VIPR2: variants seen among roughly 807,000 people sequenced by gnomAD.
VIPR2 encodes the protein vasoactive intestinal polypeptide receptor 2.
A neutral mutation model predicts 58.0 loss-of-function variants in VIPR2; 48 were observed. That is an observed-to-expected ratio of 0.83 (90% CI 0.66 to 1.05). VIPR2 has a LOEUF of 1.05. Ranked by LOEUF, VIPR2 falls within the 50% of genes least tolerant of loss-of-function variation. The pLI, the probability that VIPR2 is intolerant of heterozygous loss-of-function variation, is 0.00. For missense variants in VIPR2, 534 were observed against 558.0 expected (o/e 0.96, Z 0.43); for synonymous variants, 243 against 235.2 (o/e 1.03, Z -0.30).
chr7:159,045,771 G>A (rs1421435950), intron 5 of VIPR2, among the ~76,000 whole-genome samples: 1 of 151,940 alleles, frequency 6.6e-6, no homozygotes, highest in Admixed American at 6.6e-5. Context: ...AGATAAAGTT[G>A]ACTTCATCAA....
chr7:159,062,325 C>T (rs1337492987), intron 4 of VIPR2, among the ~76,000 whole-genome samples: 1 of 152,136 alleles, frequency 6.6e-6, no homozygotes, highest in Non-Finnish European at 1.5e-5. Flanking sequence ...TTTTTGGTCT[C>T]ACTGACTTGA....
intron 4 of VIPR2, among the ~76,000 whole-genome samples, chr7:159,067,993 A>T (rs1856183573): frequency 6.6e-6 from 1 of 152,240 alleles, no homozygotes. Context: ...TTCTTGAGCA[A>T]TCCAGGCTGC....
chr7:159,135,874 C>T (rs1052708497), intron 2 of VIPR2, among the ~76,000 whole-genome samples: 7 of 152,082 alleles, frequency 4.6e-5, no homozygotes, highest in East Asian at 1.9e-4. Context: ...AAATGTCAGC[C>T]GGACGGTTTA....
chr7:159,077,081 G>T (rs748635949), intron 4 of VIPR2, among the ~76,000 whole-genome samples: 11 of 152,180 alleles, frequency 7.2e-5, no homozygotes, highest in Non-Finnish European at 1.2e-4. Flanking sequence ...TTGAGAATGT[G>T]CATTGAACCA....
At chr7:159,034,489 G>A (rs1853796760) in intron 9 of VIPR2, 92 bp downstream of exon 9, 2 of 1,391,378 alleles carry the variant, frequency 1.4e-6, no homozygotes, top group Non-Finnish European at 2.0e-6. Flanking sequence ...CGTGGAATGG[G>A]GTCAGTTCTA....
At chr7:159,056,721 C>T (rs1433688611) in intron 5 of VIPR2, among the ~76,000 whole-genome samples, 3 of 152,302 alleles carry the variant, frequency 2.0e-5, no homozygotes, top group Admixed American at 1.3e-4. Context: ...GTTCAATGCC[C>T]GCAAAGCATT....
At chr7:159,030,957 G>C (rs1431916585) in intron 12 of VIPR2, among the ~76,000 whole-genome samples, 168 bp from the exon 13 acceptor site, 1 of 152,270 alleles carries the variant, frequency 6.6e-6, no homozygotes, top group African/African-American at 2.4e-5. Context: ...AGGCTGGAGG[G>C]AGCGGGAACT....
chr7:159,103,918 T>C (rs1439726433), intron 3 of VIPR2, 64 bp from the exon 4 acceptor site: 2 of 1,404,250 alleles, frequency 1.4e-6, no homozygotes, highest in Non-Finnish European at 2.0e-6. Flanking sequence ...GAAGGGACCT[T>C]AGTCCGTGCT....
At chr7:159,039,757 G>A (rs1247666602) in intron 6 of VIPR2, among the ~76,000 whole-genome samples, 1 of 152,230 alleles carries the variant, frequency 6.6e-6, no homozygotes, top group African/African-American at 2.4e-5. Context: ...TGCGACAGGA[G>A]CACACGTGGA....
chr7:159,067,070 C>T (rs551565906), intron 4 of VIPR2, among the ~76,000 whole-genome samples: 2 of 152,302 alleles, frequency 1.3e-5, no homozygotes, highest in African/African-American at 4.8e-5. Context: ...GACTCAGTTG[C>T]ACCAGCCATA....
At chr7:159,063,319 A>G (rs1030827255) in intron 4 of VIPR2, among the ~76,000 whole-genome samples, 5 of 152,078 alleles carry the variant, frequency 3.3e-5, no homozygotes, top group African/African-American at 1.2e-4. Flanking sequence ...GAATTCGAGC[A>G]CACTGCCAGC....
rs531807457 is a variant in VIPR2 at position 159,114,925 on chromosome 7, A to C, written c.152-5006T>G. 3.3e-5 allele frequency among the ~76,000 whole-genome samples: 5 copies of C among 152,372 alleles called. No individual in the cohort carries two copies. The South Asian group carries it at 1.0e-3, about 32-fold the overall frequency. Reference sequence around the variant, plus strand: ...AACAGAATTGTACAACTGAGGAGCCAGGTTGGGTACCTGCAATTCATTATT... The same window carrying C: ...AACAGAATTGTACAACTGAGGAGCCCGGTTGGGTACCTGCAATTCATTATT... On this transcript the variant is annotated intron_variant, in intron 2 of 12. Coordinates refer to ENST00000262178, the MANE Select transcript of VIPR2 (RefSeq NM_003382.5).
At chr7:159,100,095 G>A (rs1179050652) in intron 4 of VIPR2, among the ~76,000 whole-genome samples, 2 of 152,142 alleles carry the variant, frequency 1.3e-5, no homozygotes, top group Non-Finnish European at 2.9e-5. Flanking sequence ...AGGTCAATGT[G>A]GTCCCCAGCC....
rs143075123 is a variant in VIPR2, at chr7:159,052,173, G to A, written c.455+6308C>T. Among the ~76,000 whole-genome samples the A allele has an allele frequency of 3.4e-3, 513 of 152,210 alleles. 4 individuals are homozygous for A. The highest frequency in any genetic ancestry group is 5.4e-3 in the Non-Finnish European group (368 of 68,004). On this transcript the variant is annotated intron_variant, in intron 5 of 12. Transcript: ENST00000262178. ...TTCTTGGAAAACACTGATAAAATTG[G>A]TAACACTTTATTCAGTAAGACTCAT...
intron 2 of VIPR2, among the ~76,000 whole-genome samples, chr7:159,124,032 A>G (rs1357901854): frequency 6.6e-6 from 1 of 152,192 alleles, no homozygotes; most frequent in Non-Finnish European, 1.5e-5. Flanking sequence ...AGTTCCTTAT[A>G]GATGCTGGAT....
intron 5 of VIPR2, among the ~76,000 whole-genome samples, chr7:159,054,663 C>T (rs1855202115): frequency 6.6e-6 from 1 of 152,190 alleles, no homozygotes; most frequent in Admixed American, 6.5e-5. Flanking sequence ...TGGACAATAC[C>T]GAATGGAGGC....
chr7:159,031,189 ATGAG>A lies in VIPR2; in HGVS notation c.1144-404_1144-401del, dbSNP rs1021345424. On this transcript the variant is annotated intron_variant, in intron 12 of 12. Coordinates refer to ENST00000262178, the MANE Select transcript of VIPR2 (RefSeq NM_003382.5). This position sits in a 1 kb window ranked among gnomAD's most constrained non-coding sequence, Gnocchi z 4.0. ...ATGTTAGCCCTGGGAGGGGGTGGGG[ATGAG>A]TGAGGGGTGCCCGGACGGCAGAGGA... 2.0e-5 allele frequency among the ~76,000 whole-genome samples: 3 copies of A among 151,848 alleles called. No homozygotes were observed. The highest frequency in any genetic ancestry group is 7.3e-5 in the African/African-American group (3 of 41,314).
chr7:159,068,454 A>G (rs1196479209), intron 4 of VIPR2, among the ~76,000 whole-genome samples: 2 of 152,256 alleles, frequency 1.3e-5, no homozygotes, highest in East Asian at 3.8e-4. Flanking sequence ...ATTAGCCAAC[A>G]GCGAGGGCTC....
At chr7:159,030,850 G>C in intron 12 of VIPR2, 61 bp from the exon 13 acceptor site, 1 of 1,423,424 alleles carries the variant, frequency 7.0e-7, no homozygotes, top group South Asian at 1.5e-5. Flanking sequence ...GGCTGCTATG[G>C]GAAGCGCGGC....
Sources: allele counts gnomAD v4.1 joint callset (sites outside exome capture counted in the v4.1 genomes callset), GRCh38; gene constraint gnomAD v4.1.1; non-coding constraint Gnocchi (gnomAD v3.1); transcripts MANE v1.5; gene names NCBI Gene and HGNC (gene_info 2026-07-23, HGNC 2026-07-21).